The following SCN3A variants were observed in gnomAD, a reference collection of about 807,000 sequenced individuals.
SCN3A encodes sodium channel protein type 3 subunit alpha.
A neutral mutation model predicts 187.6 loss-of-function variants in SCN3A; 60 were observed. The ratio of observed to expected loss-of-function variants is 0.32; its 90% CI spans 0.26 to 0.40. The LOEUF is 0.40. Among genes scored for constraint, SCN3A ranks in the 10% least tolerant of loss-of-function variants. SCN3A has a pLI of 1.00. For synonymous variants in SCN3A, 788 were observed against 829.2 expected (o/e 0.95, Z 0.85); for missense variants, 1,601 against 2,428.2 (o/e 0.66, Z 7.16).
chr2:165,150,010 T>C (rs950660259), intron 11 of SCN3A, among the ~76,000 whole-genome samples: 4 of 152,216 alleles, frequency 2.6e-5, no homozygotes, highest in African/African-American at 9.6e-5. Context: ...ATTAGATTTC[T>C]TAAGAGCTAC....
intron 17 of SCN3A, 37 bp downstream of exon 17, chr2:165,129,903 T>G: frequency 6.2e-7 from 1 of 1,612,760 alleles, no homozygotes; most frequent in African/African-American, 1.3e-5. Context: ...CTGTCTGCTC[T>G]TGTTCTAATT....
At chr2:165,170,390 G>C (rs751967919) in intron 4 of SCN3A, 40 bp downstream of exon 4, 4 of 1,146,384 alleles carry the variant, frequency 3.5e-6, no homozygotes, top group Non-Finnish European at 5.3e-6. Context: ...AAAATCAACT[G>C]TTAGAAATAG....
At chr2:165,118,440 C>T (rs187259072) in intron 18 of SCN3A, among the ~76,000 whole-genome samples, 3 of 152,298 alleles carry the variant, frequency 2.0e-5, no homozygotes, top group African/African-American at 7.2e-5. Flanking sequence ...TGCAAGCTCC[C>T]AGGACTCTTA....
At chr2:165,099,971 G>T (rs1388604879) in intron 22 of SCN3A, among the ~76,000 whole-genome samples, 1 of 152,142 alleles carries the variant, frequency 6.6e-6, no homozygotes, top group African/African-American at 2.4e-5. Flanking sequence ...CCCCACCACG[G>T]ATGAATGTCA....
intron 18 of SCN3A, among the ~76,000 whole-genome samples, chr2:165,125,665 A>G (rs1259026457): frequency 6.6e-6 from 1 of 152,104 alleles, no homozygotes; most frequent in Non-Finnish European, 1.5e-5. Context: ...AGTTCATGTT[A>G]GCTTACTCAA....
chr2:165,144,922 C>A (rs1018855803), intron 12 of SCN3A, among the ~76,000 whole-genome samples: 3 of 151,954 alleles, frequency 2.0e-5, no homozygotes, highest in Non-Finnish European at 2.9e-5. Flanking sequence ...TTTATTTGAG[C>A]AAAATGATGA....
chr2:165,186,271 AAAC>A lies in SCN3A; in HGVS notation c.-51+277_-51+279del, dbSNP rs150296470. On this transcript the variant is annotated intron_variant, in intron 2 of 27. Coordinates refer to ENST00000283254, the MANE Select transcript of SCN3A (RefSeq NM_006922.4). ...GGCGACAGAGAGAGACTCTGTCTCA[AAAC>A]AACAACAACAACAACAAAAAAACAA... is the stretch of plus-strand genomic sequence containing the variant. 6.6e-5 allele frequency among the ~76,000 whole-genome samples: 8 copies of A among 121,568 alleles called. No individual in the cohort carries two copies. The South Asian group carries it at 2.2e-3, about 33-fold the overall frequency. The allele number at this position is 121,568 out of a possible 152,430, so 79.8% of individuals were successfully genotyped here.
rs541609478 is a variant in SCN3A, at chr2:165,099,107, ATGG to A, written c.3966+1192_3966+1194del. Reference sequence around the variant, plus strand: ...CTGGAGAGTGGCTTAATTCTCCCTGATGGGTGAACTTTAAAGTCAAGGTTGAAA... The same window carrying A: ...CTGGAGAGTGGCTTAATTCTCCCTGAGTGAACTTTAAAGTCAAGGTTGAAA... On this transcript the variant is annotated intron_variant, in intron 22 of 27. Coordinates refer to ENST00000283254, the MANE Select transcript of SCN3A (RefSeq NM_006922.4). 7.5e-3 allele frequency among the ~76,000 whole-genome samples: 1,140 copies of A among 152,270 alleles called. 19 individuals carry two copies. Among genetic ancestry groups the A allele is most frequent in the African/African-American group, 0.026 (1,090 of 41,546 alleles).
chr2:165,139,250 T>C (rs976732428), intron 14 of SCN3A, among the ~76,000 whole-genome samples: 1 of 152,148 alleles, frequency 6.6e-6, no homozygotes, highest in Non-Finnish European at 1.5e-5. Context: ...TAATATCAAG[T>C]GTTGAAATAT....
At chr2:165,133,166 A>G (rs1687451127) in intron 15 of SCN3A, among the ~76,000 whole-genome samples, 2 of 152,120 alleles carry the variant, frequency 1.3e-5, no homozygotes, top group African/African-American at 2.4e-5. Flanking sequence ...AAATAGGAAC[A>G]CTTTTACACT....
rs1464991046 is a variant in SCN3A at position 165,092,078 on chromosome 2, A to G, written c.4807+176T>C. On this transcript the variant is annotated intron_variant, in intron 27 of 27. Coordinates refer to ENST00000283254, the MANE Select transcript of SCN3A (RefSeq NM_006922.4). This position sits in a 1 kb window ranked among gnomAD's most constrained non-coding sequence, Gnocchi z 4.2. ...GGTATTCCTAACATGGTTTCTAACT[A>G]GTTAGCTTTGTGAATAAACCCAGGT... 1.5e-6 allele frequency: 1 copy of G among 664,008 alleles called. No homozygotes were observed. Among genetic ancestry groups the G allele is most frequent in the Non-Finnish European group, 2.6e-6 (1 of 379,436 alleles). 41.1% of individuals were successfully genotyped at this position (664,008 alleles called of 1,614,324 possible). A position where few individuals can be genotyped will look rare whatever the true frequency, so the allele number is the denominator to read the frequency against.
At chr2:165,174,250 G>A (rs1341429472) in intron 3 of SCN3A, among the ~76,000 whole-genome samples, 1 of 152,098 alleles carries the variant, frequency 6.6e-6, no homozygotes, top group African/African-American at 2.4e-5. Context: ...ACTTTCATAT[G>A]GACTGAGATA....
chr2:165,091,452 C>A lies in SCN3A; in HGVS notation c.4808-107G>T, dbSNP rs1249547846. The A allele has an allele frequency of 2.3e-6, 3 of 1,328,044 alleles. No individual in the cohort carries two copies. In the Admixed American group the frequency reaches 5.7e-5, roughly 25 times the overall value. 82.3% of individuals were successfully genotyped at this position (1,328,044 alleles called of 1,614,324 possible). A position where few individuals can be genotyped will look rare whatever the true frequency, so the allele number is the denominator to read the frequency against. On this transcript the variant is annotated intron_variant, in intron 27 of 27. Coordinates refer to ENST00000283254, the MANE Select transcript of SCN3A (RefSeq NM_006922.4). ...ACAACAAACTTGTTATGAATATGAGCCTTTATTAAATATTTGGATCCACTC... is the reference window on the plus strand; with the variant it reads ...ACAACAAACTTGTTATGAATATGAGACTTTATTAAATATTTGGATCCACTC...
chr2:165,099,409 G>GA lies in SCN3A; in HGVS notation c.3966+892dup, dbSNP rs780386203. Reference sequence around the variant, plus strand: ...GAACCTTATTCAGAATGCTCAATTAGAAAAAAAGATCTATAAAACAAACTC... The same window carrying GA: ...GAACCTTATTCAGAATGCTCAATTAGAAAAAAAAGATCTATAAAACAAACTC... On this transcript the variant is annotated intron_variant, in intron 22 of 27. Transcript: ENST00000283254. 1.3e-4 allele frequency among the ~76,000 whole-genome samples: 20 copies of GA among 152,058 alleles called. 1 individual carries two copies. The highest frequency in any genetic ancestry group is 1.9e-4 in the Non-Finnish European group (13 of 67,998).
chr2:165,124,456 G>C (rs1686870975), intron 18 of SCN3A, among the ~76,000 whole-genome samples: 1 of 151,758 alleles, frequency 6.6e-6, no homozygotes, highest in Non-Finnish European at 1.5e-5. Flanking sequence ...TACCTCTTTT[G>C]ACCCTAAGTT....
intron 18 of SCN3A, among the ~76,000 whole-genome samples, chr2:165,126,600 G>GGTCC (rs1687009837): frequency 1.2e-5 from 1 of 86,692 alleles, no homozygotes; most frequent in Non-Finnish European, 2.2e-5. Context: ...CCCTCCCTTC[G>GGTCC]TTCCTTCCTT....
At chr2:165,144,959 C>G (rs1688231700) in intron 12 of SCN3A, among the ~76,000 whole-genome samples, 1 of 152,156 alleles carries the variant, frequency 6.6e-6, no homozygotes, top group Non-Finnish European at 1.5e-5. Flanking sequence ...ATACTGCTAT[C>G]AAATTATGTA....
chr2:165,148,619 G>A (rs181895808), intron 11 of SCN3A, among the ~76,000 whole-genome samples: 4 of 152,084 alleles, frequency 2.6e-5, no homozygotes, highest in Non-Finnish European at 4.4e-5. Context: ...AAATTTATGT[G>A]TTTGACCAAG....
chr2:165,156,485 C>CCTGGGTG (rs1402917799), intron 9 of SCN3A, among the ~76,000 whole-genome samples: 4 of 122,724 alleles, frequency 3.3e-5, no homozygotes, highest in African/African-American at 6.2e-5. Flanking sequence ...TGCACTCCAG[C>CCTGGGTG]CTGGGTGACA....
Sources: gnomAD v4.1 joint callset for allele counts (sites outside exome capture counted in the v4.1 genomes callset) on GRCh38, gnomAD v4.1.1 for gene constraint, Gnocchi (gnomAD v3.1) non-coding constraint, MANE v1.5 for transcripts, NCBI Gene and HGNC (gene_info 2026-07-23, HGNC 2026-07-21) for gene names.